CHD1: variants seen among roughly 807,000 people sequenced by gnomAD.
The protein encoded by CHD1 is chromodomain helicase DNA binding protein 1.
Under a neutral mutation model 224.2 loss-of-function variants are expected in CHD1, and 36 were observed. The observed-to-expected ratio is 0.16, with a 90% confidence interval of 0.12 to 0.21. CHD1 has a LOEUF of 0.21. CHD1 is among the 10% of genes least tolerant of loss of function. CHD1 has a pLI of 1.00. For synonymous variants in CHD1, 668 were observed against 658.3 expected (o/e 1.01, Z -0.23); for missense variants, 1,378 against 1,994.8 (o/e 0.69, Z 5.89).
chr5:98,865,858 A>T (rs371198656), intron 31 of CHD1, among the ~76,000 whole-genome samples: 3 of 152,208 alleles, frequency 2.0e-5, no homozygotes, highest in East Asian at 3.8e-4. Flanking sequence ...ATCATTTAAG[A>T]TTAATGGAGA....
chr5:98,922,769 A>T (rs1753188762), intron 2 of CHD1, among the ~76,000 whole-genome samples: 1 of 152,132 alleles, frequency 6.6e-6, no homozygotes, highest in Non-Finnish European at 1.5e-5. Context: ...CGGGCAGATC[A>T]CCTGAGGTCA....
chr5:98,881,347 A>G lies in CHD1; in HGVS notation c.2896T>C (p.Ser966Pro), dbSNP rs199740650. ...SSTPFNKEEL[S>P]AILKFGAEEL... ...TCAGCACCAAACTTTAAAATGGCTG[A>G]TAACTCTTCTTTATTGAAAGGAGTA... The change falls in exon 21 of 36, where the codon TCA (serine) becomes CCA (proline). Residue 966 changes from serine (S) to proline (P), a missense_variant. Physicochemically the swap from Ser to Pro is moderately conservative, Grantham distance 74. This residue lies in a region of CHD1 where 286 missense variants were observed against 445.1 expected (regional missense o/e 0.64). Coordinates refer to ENST00000614616, the MANE Select transcript of CHD1 (RefSeq NM_001270.4). 6.4e-7 allele frequency: 1 copy of G among 1,557,712 alleles called. No homozygotes were observed. The highest frequency in any genetic ancestry group is 8.7e-7 in the Non-Finnish European group (1 of 1,153,392).
At chr5:98,920,204 C>T (rs1443491442) in intron 2 of CHD1, among the ~76,000 whole-genome samples, 1 of 152,022 alleles carries the variant, frequency 6.6e-6, no homozygotes, top group Non-Finnish European at 1.5e-5. Flanking sequence ...AATTTCCTTA[C>T]AGAAATTCCA....
At position 98,928,942 on chromosome 5, in the gene CHD1, G is replaced by C. The variant is rs1435118710; in HGVS notation, c.-552C>G. 1.3e-5 allele frequency: 2 copies of C among 153,646 alleles called. No homozygotes were observed. Among genetic ancestry groups the C allele is most frequent in the African/African-American group, 4.8e-5 (2 of 41,366 alleles). 9.5% of individuals were successfully genotyped at this position (153,646 alleles called of 1,614,324 possible). ...AGCCGCCGCCGCCACCGAGGTCGCC[G>C]TCGCCTCCGCCTCCCGCGCGACGTA... On this transcript the variant is annotated 5_prime_UTR_variant, in exon 1 of 36. Transcript: ENST00000614616.
intron 2 of CHD1, among the ~76,000 whole-genome samples, chr5:98,913,338 G>A (rs558868873): frequency 6.6e-6 from 1 of 152,098 alleles, no homozygotes; most frequent in Non-Finnish European, 1.5e-5. Context: ...GCTGGGGGAG[G>A]TGGCATATGC....
At chr5:98,887,622 C>T (rs1030050286) in intron 17 of CHD1, among the ~76,000 whole-genome samples, 1 of 152,038 alleles carries the variant, frequency 6.6e-6, no homozygotes, top group Non-Finnish European at 1.5e-5. Flanking sequence ...GAATTTTGGT[C>T]TTTAGTTTCT....
intron 2 of CHD1, among the ~76,000 whole-genome samples, chr5:98,925,411 A>C (rs1753390013): frequency 6.6e-6 from 1 of 152,194 alleles, no homozygotes; most frequent in African/African-American, 2.4e-5. Context: ...ACTTTAAATA[A>C]GATAAACAAT....
At chr5:98,876,667 T>C (rs1448878327) in intron 23 of CHD1, 109 bp from the exon 24 acceptor site, 12 of 889,014 alleles carry the variant, frequency 1.3e-5, no homozygotes, top group Non-Finnish European at 2.0e-5. Flanking sequence ...ATTAAATGTA[T>C]CAAAAACATT....
rs1349990605 is a variant in CHD1 at position 98,897,149 on chromosome 5, T to A, written c.1493+44A>T. 4 of 1,581,920 alleles carry A rather than the reference T, an allele frequency of 2.5e-6. No individual in the cohort carries two copies. In the Admixed American group the frequency reaches 5.3e-5, roughly 21 times the overall value. On this transcript the variant is annotated intron_variant, in intron 11 of 35. Transcript: ENST00000614616. ...CTTTTCTGAATCCTGTATTGGTAAA[T>A]TCTTACTCTGTCAAATTAAATAGAT...
chr5:98,900,965 T>C lies in CHD1; in HGVS notation c.705A>G (p.Gln235=), dbSNP rs369492662. Residue 235 remains glutamine, a synonymous_variant, in exon 7 of 36, where the codon CAA becomes CAG. Coordinates refer to ENST00000614616, the MANE Select transcript of CHD1 (RefSeq NM_001270.4). ...CCTTATAGCTAACATTAACAGTTGC[T>C]TGGCGACGAGAACTTCTTTTATCAT... The part of the protein sequence containing the change: ...YDNDKRSSRR[Q]ATVNVSYKED... 28 of 1,613,974 alleles carry C rather than the reference T, an allele frequency of 1.7e-5. No individual in the cohort carries two copies. The highest frequency in any genetic ancestry group is 2.4e-5 in the Non-Finnish European group (28 of 1,180,010).
intron 31 of CHD1, among the ~76,000 whole-genome samples, chr5:98,867,217 G>A (rs1001741786): frequency 6.6e-6 from 1 of 152,002 alleles, no homozygotes; most frequent in South Asian, 2.1e-4. Flanking sequence ...AGTAAATAAG[G>A]TCTTTAGAAT....
intron 35 of CHD1, among the ~76,000 whole-genome samples, chr5:98,857,028 C>G (rs1158852618): frequency 6.6e-6 from 1 of 152,124 alleles, no homozygotes; most frequent in African/African-American, 2.4e-5. Flanking sequence ...ATGACTGCAT[C>G]TTAATTGTCT....
intron 24 of CHD1, 91 bp downstream of exon 24, chr5:98,876,307 C>T: frequency 2.3e-6 from 3 of 1,319,046 alleles, no homozygotes; most frequent in Non-Finnish European, 3.2e-6. Context: ...TCTAAAACTT[C>T]ATCACAATTT....
intron 23 of CHD1, 106 bp downstream of exon 23, chr5:98,879,446 T>C (rs761764209): frequency 3.9e-5 from 37 of 941,900 alleles, no homozygotes; most frequent in Non-Finnish European, 5.5e-5. Context: ...ATCAAGGCCA[T>C]TACAAGAAAA....
intron 2 of CHD1, among the ~76,000 whole-genome samples, chr5:98,912,530 G>A (rs1752489641): frequency 6.6e-6 from 1 of 152,050 alleles, no homozygotes; most frequent in African/African-American, 2.4e-5. Context: ...AATTAGCCAG[G>A]TGTGGTGGCA....
intron 21 of CHD1, 23 bp downstream of exon 21, chr5:98,881,256 T>TTA: frequency 3.0e-6 from 2 of 671,242 alleles, no homozygotes; most frequent in Non-Finnish European, 4.0e-6. Context: ...GCAGGCCTTT[T>TTA]TTTTTTTTTT....
intron 2 of CHD1, 78 bp from the exon 3 acceptor site, chr5:98,905,176 A>T (rs1751963361): frequency 6.5e-7 from 1 of 1,532,264 alleles, no homozygotes; most frequent in Non-Finnish European, 8.8e-7. Context: ...AGAAAGCCCC[A>T]AATCATTAAA....
chr5:98,864,166 T>C (rs907106485), intron 31 of CHD1, among the ~76,000 whole-genome samples: 3 of 152,154 alleles, frequency 2.0e-5, no homozygotes, highest in Admixed American at 6.5e-5. Context: ...GATGACATAT[T>C]AAGAATTGCA....
chr5:98,855,932 TG>T lies in CHD1; in HGVS notation c.*447del, dbSNP rs1251059315. ...CAATGTAAACAAGTAGCTTTGGAAA[TG>T]AACAAAGTCCTTGAGTGTTTTTCTT... On this transcript the variant is annotated 3_prime_UTR_variant, in exon 36 of 36. Transcript: ENST00000614616. 6.4e-6 allele frequency: 1 copy of T among 155,312 alleles called. No homozygotes were observed. Among genetic ancestry groups the T allele is most frequent in the African/African-American group, 2.4e-5 (1 of 41,434 alleles). The allele number at this position is 155,312 out of a possible 1,614,324, so 9.6% of individuals were successfully genotyped here.
Sources: gnomAD v4.1 joint callset for allele counts (sites outside exome capture counted in the v4.1 genomes callset) on GRCh38, gnomAD v4.1.1 for gene constraint, gnomAD v4.1.1 regional missense constraint, MANE v1.5 for transcripts, NCBI Gene and HGNC (gene_info 2026-07-23, HGNC 2026-07-21) for gene names.